Variants in GSE1 observed in about 807,000 individuals in gnomAD.
The protein encoded by GSE1 is Gse1 coiled-coil protein, also known as genetic suppressor element 1.
A neutral mutation model predicts 112.6 loss-of-function variants in GSE1; 32 were observed. The observed-to-expected ratio is 0.28, with a 90% CI of 0.21 to 0.38. The LOEUF (loss-of-function observed/expected upper bound fraction) is 0.38, where lower values mean the gene tolerates loss of function less well. GSE1 is among the 10% of genes least tolerant of loss of function. The probability of loss-of-function intolerance (pLI) is 1.00; values close to 1 mark genes in which losing one functional copy is unlikely to be tolerated. For missense variants in GSE1, 2,348 were observed against 1,699.2 expected (o/e 1.38, Z -6.71); for synonymous variants, 1,115 against 735.6 (o/e 1.52, Z -8.35).
At chr16:85,658,342 C>A (rs1047250509) in intron 8 of GSE1, among the ~76,000 whole-genome samples, 1 of 152,210 alleles carries the variant, frequency 6.6e-6, no homozygotes, top group Admixed American at 6.5e-5. Context: ...CTGCTCCAGG[C>A]CCAGCTCAGG....
intron 1 of GSE1, among the ~76,000 whole-genome samples, chr16:85,257,073 T>C (rs546597060): frequency 2.0e-5 from 3 of 152,178 alleles, no homozygotes; most frequent in African/African-American, 7.2e-5. Flanking sequence ...GAGGGGTGGA[T>C]TATACTTGCT....
At chr16:85,310,832 G>C (rs558100804) in intron 1 of GSE1, among the ~76,000 whole-genome samples, 1 of 141,104 alleles carries the variant, frequency 7.1e-6, no homozygotes, top group Non-Finnish European at 1.6e-5. Context: ...CACCCACCCG[G>C]GGTCCAGCAA....
At chr16:85,414,238 G>A (rs191319568) in intron 2 of GSE1, among the ~76,000 whole-genome samples, 58 of 152,258 alleles carry the variant, frequency 3.8e-4, no homozygotes, top group African/African-American at 1.4e-3. Flanking sequence ...GGACTTACTC[G>A]GAAACATCAG....
At chr16:85,421,905 C>T (rs888149318) in intron 2 of GSE1, among the ~76,000 whole-genome samples, 2 of 152,162 alleles carry the variant, frequency 1.3e-5, no homozygotes, top group Non-Finnish European at 2.9e-5. Flanking sequence ...GGCCGGCCTC[C>T]TCTGGCAGGC....
intron 1 of GSE1, among the ~76,000 whole-genome samples, chr16:85,206,989 T>TC (rs2075129676): frequency 6.6e-6 from 1 of 152,148 alleles, no homozygotes; most frequent in African/African-American, 2.4e-5. Context: ...GCTCCAGCGG[T>TC]CCGGCGGGCT....
chr16:85,286,297 A>G (rs1330082940), intron 1 of GSE1, among the ~76,000 whole-genome samples: 1 of 152,258 alleles, frequency 6.6e-6, no homozygotes, highest in Non-Finnish European at 1.5e-5. Flanking sequence ...GTCCTTGCCA[A>G]GTGACTCATT....
chr16:85,618,710 C>T (rs766675854), intron 1 of GSE1, among the ~76,000 whole-genome samples: 33 of 152,222 alleles, frequency 2.2e-4, no homozygotes, highest in Non-Finnish European at 4.0e-4. Context: ...TAGGCTGGGG[C>T]GCAGTGGTGC....
chr16:85,668,370 C>G lies in GSE1; in HGVS notation c.3361C>G (p.Arg1121Gly). 1 of 1,612,942 alleles carries G rather than the reference C, an allele frequency of 6.2e-7. No homozygotes were observed. The highest frequency in any genetic ancestry group is 2.2e-5 in the East Asian group (1 of 44,880). ...DGEDEEEVPK[R>G]KWQGIEAVFE... is the part of the protein sequence containing the mutation. ...AGAAGATGAGGAGGAAGTCCCCAAG[C>G]GCAAGTGGCAAGGGATCGAGGCCGT... Residue 1121 changes from arginine (R) to glycine (G), a missense_variant, in exon 14 of 16, where the codon CGC becomes GGC. By Grantham distance (125) the Arg-to-Gly change is moderately radical (BLOSUM62 -2). Transcript: ENST00000253458.
chr16:85,624,651 A>G (rs111885847), intron 1 of GSE1, among the ~76,000 whole-genome samples: 2 of 152,144 alleles, frequency 1.3e-5, no homozygotes, highest in Admixed American at 6.5e-5. Context: ...GAGCCTCTAC[A>G]TGTGACCCGG....
chr16:85,527,462 C>T (rs2052400732), intron 2 of GSE1, among the ~76,000 whole-genome samples: 1 of 152,290 alleles, frequency 6.6e-6, no homozygotes, highest in East Asian at 1.9e-4. Flanking sequence ...GGCCACATGC[C>T]CAGAGCTGGG....
intron 1 of GSE1, among the ~76,000 whole-genome samples, chr16:85,228,719 G>A (rs974366636): frequency 2.6e-5 from 4 of 152,188 alleles, no homozygotes; most frequent in Non-Finnish European, 4.4e-5. Context: ...CAGATCTGCC[G>A]TGGCTGGGTG....
chr16:85,477,024 G>A (rs1420894911), intron 2 of GSE1, among the ~76,000 whole-genome samples: 2 of 149,276 alleles, frequency 1.3e-5, no homozygotes, highest in African/African-American at 5.0e-5. Context: ...TCCCAGGTTC[G>A]AGTGATTGAA....
intron 2 of GSE1, among the ~76,000 whole-genome samples, chr16:85,521,240 T>C (rs939403888): frequency 6.6e-6 from 1 of 152,192 alleles, no homozygotes; most frequent in Non-Finnish European, 1.5e-5. Flanking sequence ...GCGTGGGAGC[T>C]GGTTTTCTGT....
At chr16:85,654,768 A>G in intron 4 of GSE1, 26 bp from the exon 5 acceptor site, 1 of 1,528,472 alleles carries the variant, frequency 6.5e-7, no homozygotes, top group African/African-American at 1.4e-5. Context: ...ACCTGTCCCC[A>G]CCTTGCCCAC....
intron 2 of GSE1, among the ~76,000 whole-genome samples, chr16:85,445,703 G>A (rs796291984): frequency 2.0e-4 from 30 of 152,284 alleles, no homozygotes; most frequent in African/African-American, 5.1e-4. Flanking sequence ...CTCGGGGAGC[G>A]CGCCAGCAGC....
At chr16:85,200,131 C>T (rs993271238) in intron 1 of GSE1, among the ~76,000 whole-genome samples, 8 of 152,140 alleles carry the variant, frequency 5.3e-5, no homozygotes, top group Non-Finnish European at 7.4e-5. Flanking sequence ...CTTGCTGACA[C>T]CTTGTCACTC....
chr16:85,281,266 C>T (rs1401019875), intron 1 of GSE1, among the ~76,000 whole-genome samples: 1 of 152,010 alleles, frequency 6.6e-6, no homozygotes, highest in African/African-American at 2.4e-5. Flanking sequence ...GCTGGGGACA[C>T]AAGAGGCCCT....
chr16:85,496,014 T>C (rs1395730335), intron 2 of GSE1, among the ~76,000 whole-genome samples: 2 of 152,140 alleles, frequency 1.3e-5, no homozygotes, highest in Non-Finnish European at 2.9e-5. Context: ...CCTCAGAGCG[T>C]CACAGGGAAC....
chr16:85,214,968 G>C (rs944310734), intron 1 of GSE1, among the ~76,000 whole-genome samples: 1 of 152,318 alleles, frequency 6.6e-6, no homozygotes, highest in African/African-American at 2.4e-5. Flanking sequence ...TGGCCTCTGC[G>C]GGTGGCGGGT....
Sources: allele counts gnomAD v4.1 joint callset (sites outside exome capture counted in the v4.1 genomes callset), GRCh38; gene constraint gnomAD v4.1.1; transcripts MANE v1.5; gene names NCBI Gene and HGNC (gene_info 2026-07-23, HGNC 2026-07-21).